DOCK6: variants seen among roughly 807,000 people sequenced by gnomAD.
DOCK6 encodes the protein dedicator of cytokinesis protein 6.
Under a neutral mutation model 230.3 loss-of-function variants are expected in DOCK6, and 167 were observed. The observed-to-expected ratio is 0.73, with a 90% CI of 0.64 to 0.82. The LOEUF (loss-of-function observed/expected upper bound fraction) is 0.82. Among genes scored for constraint, DOCK6 ranks in the 40% least tolerant of loss-of-function variants. The probability of loss-of-function intolerance (pLI) is 0.00; values close to 1 mark genes in which losing one functional copy is unlikely to be tolerated. For synonymous variants in DOCK6, 1,148 were observed against 1,185.0 expected (o/e 0.97, Z 0.64); for missense variants, 2,598 against 2,825.8 (o/e 0.92, Z 1.83).
chr19:11,207,225 A>C (rs896849923), intron 39 of DOCK6, among the ~76,000 whole-genome samples: 4 of 151,912 alleles, frequency 2.6e-5, no homozygotes, highest in African/African-American at 4.8e-5. Flanking sequence ...ACAAGGTTTC[A>C]CTCTGTCACA....
rs1227185389 is a variant in DOCK6, at chr19:11,208,826, T to A, written c.4948A>T (p.Ile1650Phe). The change falls in exon 39 of 48, where the codon ATC (isoleucine) becomes TTC (phenylalanine). Residue 1650 changes from isoleucine to phenylalanine, a missense_variant. Ile to Phe is a conservative substitution (Grantham distance 21, BLOSUM62 0). Transcript: ENST00000294618. ...GACTCCTCTAGCACGTTGGATGAGA[T>A]GTTCTGGGGTGGGAGAGGTGGCGTC... ...LPVGCVSFQNISSNVLEESAI... is the reference protein window; with the variant it reads ...LPVGCVSFQNFSSNVLEESAI... The A allele has an allele frequency of 3.1e-6, 5 of 1,611,744 alleles. No individual in the cohort carries two copies. The highest frequency in any genetic ancestry group is 1.7e-5 in the Admixed American group (1 of 59,942).
chr19:11,248,352 C>T (rs1267634282), intron 6 of DOCK6, among the ~76,000 whole-genome samples: 1 of 152,098 alleles, frequency 6.6e-6, no homozygotes, highest in Non-Finnish European at 1.5e-5. Flanking sequence ...CTAATGTCTG[C>T]TCACTGTTCA....
intron 9 of DOCK6, among the ~76,000 whole-genome samples, chr19:11,244,451 CTTTTTT>C (rs56722117): frequency 4.5e-4 from 18 of 40,254 alleles, no homozygotes; most frequent in Non-Finnish European, 5.6e-4. Context: ...CCACACCTGG[CTTTTTT>C]TTTTTTTTTT....
At position 11,223,109 on chromosome 19, in the gene DOCK6, G is replaced by A. The variant is rs2079608102; in HGVS notation, c.2956-3C>T. Reference sequence around the variant, plus strand: ...AGGTGCTCGGCCAGCTCCACATCCTGGGGACACAGGTGCCTGTCAACCCAC... The same window carrying A: ...AGGTGCTCGGCCAGCTCCACATCCTAGGGACACAGGTGCCTGTCAACCCAC... On this transcript the variant is annotated splice_polypyrimidine_tract_variant and splice_region_variant and intron_variant, in intron 24 of 47. Coordinates refer to ENST00000294618, the MANE Select transcript of DOCK6 (RefSeq NM_020812.4). The A allele has an allele frequency of 6.2e-7, 1 of 1,611,538 alleles. No individual in the cohort carries two copies. The highest frequency in any genetic ancestry group is 1.3e-5 in the African/African-American group (1 of 74,842).
intron 6 of DOCK6, among the ~76,000 whole-genome samples, chr19:11,249,577 G>A (rs1432099353): frequency 6.6e-6 from 1 of 151,100 alleles, no homozygotes; most frequent in East Asian, 2.0e-4. Flanking sequence ...ATAAATATAG[G>A]AGTATATAGT....
rs1426982372 is a variant in DOCK6 at position 11,243,970 on chromosome 19, GGGCCC to G, written c.1024-93_1024-89del. 3 of 1,401,242 alleles carry G rather than the reference GGGCCC, an allele frequency of 2.1e-6. No homozygotes were observed. In the African/African-American group the frequency reaches 4.3e-5, roughly 20 times the overall value. The allele number at this position is 1,401,242 out of a possible 1,614,324, so 86.8% of individuals were successfully genotyped here. A position where few individuals can be genotyped will look rare whatever the true frequency, so the allele number is the denominator to read the frequency against. On this transcript the variant is annotated intron_variant, in intron 9 of 47. Transcript: ENST00000294618. This position sits in a 1 kb window ranked among gnomAD's most constrained non-coding sequence, Gnocchi z 6.3. The stretch of plus-strand genomic sequence containing the variant: ...CTCCCCAGCCTCCTGGACCCCTCAT[GGGCCC>G]TCGGACACTCCTAACATATGAAGGC...
chr19:11,202,981 G>C lies in DOCK6; in HGVS notation c.5236-272C>G, dbSNP rs954217604. Among the ~76,000 whole-genome samples the C allele has an allele frequency of 1.3e-5, 2 of 152,144 alleles. No homozygotes were observed. The highest frequency in any genetic ancestry group is 2.9e-5 in the Non-Finnish European group (2 of 68,006). ...TACATGCATAGATGGCTGAGGAGAG[G>C]GATGGCTGTCTCTCACTCTAGGATG... On this transcript the variant is annotated intron_variant, in intron 41 of 47. Coordinates refer to ENST00000294618, the MANE Select transcript of DOCK6 (RefSeq NM_020812.4). This position sits in a 1 kb window ranked among gnomAD's most constrained non-coding sequence, Gnocchi z 5.3.
At chr19:11,203,929 G>A in intron 41 of DOCK6, 152 bp downstream of exon 41, 2 of 1,008,266 alleles carry the variant, frequency 2.0e-6, no homozygotes, top group African/African-American at 1.7e-5. Flanking sequence ...GGAAGGGAGG[G>A]AAATAATGGG....
intron 7 of DOCK6, among the ~76,000 whole-genome samples, chr19:11,246,469 G>A (rs986379048): frequency 1.3e-5 from 2 of 152,020 alleles, no homozygotes; most frequent in African/African-American, 2.4e-5. Context: ...AGGCTGAAGT[G>A]CGTGGTGGGA....
chr19:11,213,733 CCTCCCTAGTAG>C (rs1173930783), intron 34 of DOCK6, among the ~76,000 whole-genome samples: 2 of 151,672 alleles, frequency 1.3e-5, no homozygotes, highest in South Asian at 2.1e-4. Flanking sequence ...CCTGCCTCAG[CCTCCCTAGTAG>C]CTCCCTAGTA....
chr19:11,252,761 G>C, intron 3 of DOCK6, 22 bp downstream of exon 3: 1 of 1,599,060 alleles, frequency 6.3e-7, no homozygotes, highest in Non-Finnish European at 8.5e-7. Flanking sequence ...CACAGGCAGA[G>C]AGGGCGTGGG....
intron 28 of DOCK6, among the ~76,000 whole-genome samples, chr19:11,220,678 G>T (rs4804576): frequency 0.11 from 16,247 of 152,078 alleles, 1,252 homozygotes; most frequent in East Asian, 0.24. Context: ...GATCAAATCT[G>T]GAAGTCAGCA....
intron 20 of DOCK6, 118 bp from the exon 21 acceptor site, chr19:11,235,877 A>ATTTTTTTTTTTTT (rs56665433): frequency 3.7e-6 from 3 of 814,976 alleles, no homozygotes; most frequent in African/African-American, 4.2e-5. Flanking sequence ...GGGGTCACAA[A>ATTTTTTTTTTTTT]TTTTTTTTTT....
Position 11,222,245 on chromosome 19 carries a change from A to G in DOCK6, c.3244T>C (p.Ser1082Pro), listed in dbSNP as rs781299784. ...PSVSSTTSQS[S>P]TFSSQAPDPK... ...TCCGGGGCTTGGCTGGAGAAGGTGGAGCTCTGCAGAGTGGGGGAAAAATGG... is the reference window on the plus strand; with the variant it reads ...TCCGGGGCTTGGCTGGAGAAGGTGGGGCTCTGCAGAGTGGGGGAAAAATGG... The change falls in exon 27 of 48, where the codon TCC becomes CCC. Residue 1082 changes from serine to proline, a missense_variant. Ser to Pro is a moderately conservative substitution (Grantham distance 74). Coordinates refer to ENST00000294618, the MANE Select transcript of DOCK6 (RefSeq NM_020812.4). This position sits in a 1 kb window ranked among gnomAD's most constrained non-coding sequence, Gnocchi z 4.0. The G allele has an allele frequency of 6.3e-7, 1 of 1,596,328 alleles. No homozygotes were observed. The highest frequency in any genetic ancestry group is 1.8e-5 in the Admixed American group (1 of 56,736).
Position 11,235,634 on chromosome 19 carries a change from A to C in DOCK6, c.2518T>G (p.Phe840Val), listed in dbSNP as rs1359677630. The part of the protein sequence containing the change: ...PQLAAYVHYA[F>V]RLPGTEPSLP... ...CTGGGCTCAGTGCCAGGAAGGCGAAAGGCGTAGTGGACGTAGGCAGCCAGC... is the reference window on the plus strand; with the variant it reads ...CTGGGCTCAGTGCCAGGAAGGCGAACGGCGTAGTGGACGTAGGCAGCCAGC... The change falls in exon 21 of 48, where the codon TTT becomes GTT. Residue 840 changes from phenylalanine (F) to valine (V), a missense_variant. By Grantham distance (50) the Phe-to-Val change is conservative. Coordinates refer to ENST00000294618, the MANE Select transcript of DOCK6 (RefSeq NM_020812.4). The C allele has an allele frequency of 6.2e-7, 1 of 1,603,042 alleles. No homozygotes were observed. Among genetic ancestry groups the C allele is most frequent in the East Asian group, 2.2e-5 (1 of 44,510 alleles).
At chr19:11,225,144 C>T (rs2147791799) in intron 24 of DOCK6, among the ~76,000 whole-genome samples, 1 of 152,244 alleles carries the variant, frequency 6.6e-6, no homozygotes, top group Non-Finnish European at 1.5e-5. Flanking sequence ...AGGAGAATTG[C>T]TTGAACCTGG....
chr19:11,200,245 C>T lies in DOCK6; in HGVS notation c.6101+63G>A. 2.0e-6 allele frequency: 3 copies of T among 1,503,368 alleles called. No homozygotes were observed. The highest frequency in any genetic ancestry group is 4.3e-5 in the Admixed American group (2 of 46,868). 93.1% of individuals were successfully genotyped at this position (1,503,368 alleles called of 1,614,324 possible). ...GTGTACAACAGCCCCCATCCTGTAC[C>T]TGTCCTGGTCTGCCTCTGCATCCCC... On this transcript the variant is annotated intron_variant, in intron 47 of 47. Transcript: ENST00000294618. The surrounding 1 kb of genome is among the most constrained non-coding windows in gnomAD (Gnocchi z 4.3).
intron 22 of DOCK6, chr19:11,232,185 C>T: frequency 7.8e-7 from 1 of 1,288,682 alleles, no homozygotes; most frequent in Non-Finnish European, 1.0e-6. Context: ...GGAAGGGCAC[C>T]TGTCTGGGGT....
chr19:11,236,601 A>G lies in DOCK6; in HGVS notation c.2161-24T>C. On this transcript the variant is annotated intron_variant, in intron 19 of 47. Coordinates refer to ENST00000294618, the MANE Select transcript of DOCK6 (RefSeq NM_020812.4). The surrounding 1 kb of genome is among the most constrained non-coding windows in gnomAD (Gnocchi z 5.2). Reference sequence around the variant, plus strand: ...TCCTGGGTAGGGATGTGGAGTGAGCAGGGTGGGGCCTCAGGGAATGAAGAC... The same window carrying G: ...TCCTGGGTAGGGATGTGGAGTGAGCGGGGTGGGGCCTCAGGGAATGAAGAC... The G allele has an allele frequency of 6.4e-7, 1 of 1,553,056 alleles. No individual in the cohort carries two copies. The highest frequency in any genetic ancestry group is 8.7e-7 in the Non-Finnish European group (1 of 1,145,726).
Sources: allele counts gnomAD v4.1 joint callset (sites outside exome capture counted in the v4.1 genomes callset), GRCh38; gene constraint gnomAD v4.1.1; non-coding constraint Gnocchi (gnomAD v3.1); transcripts MANE v1.5; gene names NCBI Gene and HGNC (gene_info 2026-07-23, HGNC 2026-07-21).